MYO6: variants seen among roughly 807,000 people sequenced by gnomAD.
MYO6 encodes the protein myosin VI, also known as unconventional myosin-VI.
A neutral mutation model predicts 178.7 loss-of-function variants in MYO6; 74 were observed. The ratio of observed to expected loss-of-function variants is 0.41; its 90% CI spans 0.34 to 0.50. The LOEUF is 0.50. MYO6 is among the 20% of genes least tolerant of loss of function. The pLI is 0.09. For missense variants in MYO6, 1,330 were observed against 1,547.4 expected (o/e 0.86, Z 2.36); for synonymous variants, 477 against 504.6 (o/e 0.95, Z 0.73).
chr6:75,907,038 C>G (rs1016610113), intron 30 of MYO6, among the ~76,000 whole-genome samples: 1 of 152,164 alleles, frequency 6.6e-6, no homozygotes, highest in Non-Finnish European at 1.5e-5. Context: ...ACTTGAATGA[C>G]TCTAATGCAG....
chr6:75,833,062 C>T (rs1773278085), intron 6 of MYO6, 115 bp downstream of exon 6: 1 of 741,094 alleles, frequency 1.3e-6, no homozygotes, highest in Non-Finnish European at 2.4e-6. Flanking sequence ...CCACAGCTCA[C>T]TGTAGCCTTG....
chr6:75,909,766 C>T (rs532224256), intron 32 of MYO6, among the ~76,000 whole-genome samples: 93 of 152,166 alleles, frequency 6.1e-4, no homozygotes, highest in East Asian at 1.9e-3. Flanking sequence ...TTCCCCTAAG[C>T]GGTATATTCC....
chr6:75,850,289 A>G (rs1775137979), intron 11 of MYO6, among the ~76,000 whole-genome samples: 1 of 152,084 alleles, frequency 6.6e-6, no homozygotes, highest in African/African-American at 2.4e-5. Flanking sequence ...GATTAAAAAA[A>G]GTGTTATATG....
chr6:75,810,439 A>G (rs372401462), intron 1 of MYO6, among the ~76,000 whole-genome samples: 1 of 152,202 alleles, frequency 6.6e-6, no homozygotes, highest in Non-Finnish European at 1.5e-5. Flanking sequence ...GCTGCAAAGA[A>G]TCTGTTTTGT....
At chr6:75,897,258 C>A (rs1007738010) in intron 29 of MYO6, among the ~76,000 whole-genome samples, 6 of 152,190 alleles carry the variant, frequency 3.9e-5, no homozygotes, top group African/African-American at 1.4e-4. Flanking sequence ...ACATACTTAT[C>A]AAAATCTGCT....
Position 75,914,136 on chromosome 6 carries a change from C to G in MYO6, c.3513C>G (p.Phe1171Leu). Reference sequence around the variant, plus strand: ...AAATGAACCGACAGCAACGCTTCTTCCGCATCCCATTCATCCGCCCTGCCG... The same window carrying G: ...AAATGAACCGACAGCAACGCTTCTTGCGCATCCCATTCATCCGCCCTGCCG... ...EIEMNRQQRF[F>L]RIPFIRPADQ... Residue 1171 changes from phenylalanine to leucine, a missense_variant, in exon 34 of 35, where the codon TTC becomes TTG. Phe to Leu is a conservative substitution (Grantham distance 22, BLOSUM62 0). Around this residue, in one of 3 missense-constraint regions of MYO6, gnomAD observed 601 missense variants for 626.1 expected, o/e 0.96. Coordinates refer to ENST00000369977, the MANE Select transcript of MYO6 (RefSeq NM_004999.4). The G allele has an allele frequency of 6.2e-7, 1 of 1,614,160 alleles. No homozygotes were observed. The highest frequency in any genetic ancestry group is 8.5e-7 in the Non-Finnish European group (1 of 1,180,036).
chr6:75,854,652 A>G (rs1775583036), intron 11 of MYO6, among the ~76,000 whole-genome samples: 1 of 152,062 alleles, frequency 6.6e-6, no homozygotes, highest in South Asian at 2.1e-4. Flanking sequence ...TTCGACCCCA[A>G]GCAATATGAG....
chr6:75,873,820 G>A (rs540468355), intron 20 of MYO6, among the ~76,000 whole-genome samples: 5 of 152,148 alleles, frequency 3.3e-5, no homozygotes, highest in East Asian at 1.9e-4. Context: ...AATGAAACAC[G>A]ATTCCCTCTG....
At chr6:75,791,181 C>G (rs544405280) in intron 1 of MYO6, among the ~76,000 whole-genome samples, 2 of 152,188 alleles carry the variant, frequency 1.3e-5, no homozygotes, top group Non-Finnish European at 2.9e-5. Flanking sequence ...GATCCACCCA[C>G]CTTGGCCTCC....
rs1278742591 is a variant in MYO6 at position 75,840,804 on chromosome 6, G to A, written c.651+122G>A. 3.1e-5 allele frequency: 24 copies of A among 772,080 alleles called. No homozygotes were observed. In the Admixed American group the frequency reaches 5.0e-4, roughly 16 times the overall value. 47.8% of individuals were successfully genotyped at this position (772,080 alleles called of 1,614,324 possible). A position where few individuals can be genotyped will look rare whatever the true frequency, so the allele number is the denominator to read the frequency against. Reference sequence around the variant, plus strand: ...TTTAAGTTTCATTGTTACTTTAGATGGTTGCAGGAATATATGTGTCCACTA... The same window carrying A: ...TTTAAGTTTCATTGTTACTTTAGATAGTTGCAGGAATATATGTGTCCACTA... On this transcript the variant is annotated intron_variant, in intron 8 of 34. Coordinates refer to ENST00000369977, the MANE Select transcript of MYO6 (RefSeq NM_004999.4).
intron 1 of MYO6, among the ~76,000 whole-genome samples, chr6:75,758,728 G>A (rs758234869): frequency 2.6e-5 from 4 of 152,144 alleles, no homozygotes; most frequent in Non-Finnish European, 5.9e-5. Flanking sequence ...AGAGTGTTGG[G>A]ATTACAGGCG....
At chr6:75,830,648 A>G (rs1451245535) in intron 5 of MYO6, 103 bp downstream of exon 5, 2 of 1,178,292 alleles carry the variant, frequency 1.7e-6, no homozygotes, top group Non-Finnish European at 2.5e-6. Flanking sequence ...AATTGAATAT[A>G]TATTTTGGAG....
At chr6:75,815,935 A>T (rs1303007644) in intron 1 of MYO6, among the ~76,000 whole-genome samples, 1 of 152,220 alleles carries the variant, frequency 6.6e-6, no homozygotes, top group African/African-American at 2.4e-5. Context: ...CCATTGTTAC[A>T]TTTTAGTCTC....
intron 19 of MYO6, among the ~76,000 whole-genome samples, chr6:75,870,892 C>A (rs1423276763): frequency 6.6e-6 from 1 of 151,738 alleles, no homozygotes; most frequent in Non-Finnish European, 1.5e-5. Context: ...GAATTCTTGA[C>A]TATTTAAAAA....
At chr6:75,840,139 A>C (rs1007897486) in intron 7 of MYO6, among the ~76,000 whole-genome samples, 2 of 150,318 alleles carry the variant, frequency 1.3e-5, no homozygotes, top group Non-Finnish European at 3.0e-5. Context: ...TTGGCATTAC[A>C]TGTGAATTCC....
At chr6:75,901,211 A>G (rs953424132) in intron 30 of MYO6, among the ~76,000 whole-genome samples, 6 of 152,036 alleles carry the variant, frequency 3.9e-5, no homozygotes. Flanking sequence ...TGACTTGGCG[A>G]TGCGGGCTCT....
chr6:75,879,546 T>G (rs1777848840), intron 20 of MYO6, among the ~76,000 whole-genome samples: 1 of 151,946 alleles, frequency 6.6e-6, no homozygotes, highest in South Asian at 2.1e-4. Context: ...CATGAGCCAC[T>G]GCACCCAGTT....
intron 1 of MYO6, among the ~76,000 whole-genome samples, chr6:75,750,739 C>G (rs1776814994): frequency 6.6e-6 from 1 of 151,824 alleles, no homozygotes; most frequent in Admixed American, 6.6e-5. Flanking sequence ...GCGCCACTGC[C>G]CAGCTAATTT....
At chr6:75,840,501 TATTAACAAATGGAG>T in intron 7 of MYO6, 70 bp from the exon 8 acceptor site, 1 of 910,228 alleles carries the variant, frequency 1.1e-6, no homozygotes, top group Admixed American at 1.8e-5. Flanking sequence ...TAGACATATA[TATTAACAAATGGAG>T]ATATACCATG....
Sources: gnomAD v4.1 joint callset for allele counts (sites outside exome capture counted in the v4.1 genomes callset) on GRCh38, gnomAD v4.1.1 for gene constraint, gnomAD v4.1.1 regional missense constraint, MANE v1.5 for transcripts, NCBI Gene and HGNC (gene_info 2026-07-23, HGNC 2026-07-21) for gene names.